The following ACSM3 variants were observed in gnomAD, a reference collection of about 807,000 sequenced individuals.
ACSM3 encodes acyl-coenzyme A synthetase ACSM3, mitochondrial.
A neutral mutation model predicts 74.1 loss-of-function variants in ACSM3; 61 were observed. The observed-to-expected ratio is 0.82, with a 90% CI of 0.67 to 1.02. The LOEUF is 1.02. Ranked by LOEUF, ACSM3 falls within the 50% of genes least tolerant of loss-of-function variation. The pLI is 0.00. For synonymous variants in ACSM3, 213 were observed against 241.5 expected (o/e 0.88, Z 1.09); for missense variants, 660 against 697.0 (o/e 0.95, Z 0.60).
At chr16:20,768,579 G>A (rs577642639) in intron 1 of ACSM3, among the ~76,000 whole-genome samples, 1 of 152,086 alleles carries the variant, frequency 6.6e-6, no homozygotes, top group African/African-American at 2.4e-5. Flanking sequence ...AAATATAAAT[G>A]GGCCCAGAGC....
chr16:20,683,660 TTGA>T (rs2079491084), intron 1 of ACSM3, among the ~76,000 whole-genome samples: 1 of 151,374 alleles, frequency 6.6e-6, no homozygotes, highest in Non-Finnish European at 1.5e-5. Context: ...TTTTTTTTTT[TTGA>T]GAGTCTTGCC....
At chr16:20,754,238 C>T (rs2152436172) in intron 2 of ACSM3, among the ~76,000 whole-genome samples, 1 of 152,246 alleles carries the variant, frequency 6.6e-6, no homozygotes, top group East Asian at 1.9e-4. Context: ...AGGAGTGAAA[C>T]AGTTATCTCC....
At chr16:20,696,213 G>A (rs907406172) in intron 1 of ACSM3, among the ~76,000 whole-genome samples, 1 of 152,152 alleles carries the variant, frequency 6.6e-6, no homozygotes, top group Non-Finnish European at 1.5e-5. Flanking sequence ...ACCTAACAAT[G>A]CATTTCTCAG....
chr16:20,690,459 AG>A (rs1263038714), intron 1 of ACSM3, among the ~76,000 whole-genome samples: 4 of 152,234 alleles, frequency 2.6e-5, no homozygotes, highest in African/African-American at 9.6e-5. Context: ...TTAAAGCCAC[AG>A]TCAAGTAGGT....
intron 10 of ACSM3, 53 bp from the exon 11 acceptor site, chr16:20,791,949 T>G: frequency 6.4e-7 from 1 of 1,574,774 alleles, no homozygotes; most frequent in Non-Finnish European, 8.6e-7. Flanking sequence ...AAAATTCCAA[T>G]TGACCAGAAG....
intron 1 of ACSM3, among the ~76,000 whole-genome samples, chr16:20,707,624 A>G (rs1217369173): frequency 6.6e-6 from 1 of 152,298 alleles, no homozygotes; most frequent in South Asian, 2.1e-4. Context: ...TGTGGACTCC[A>G]TTGTGGACCC....
intron 9 of ACSM3, among the ~76,000 whole-genome samples, chr16:20,787,850 T>C (rs1332571194): frequency 6.6e-6 from 1 of 152,190 alleles, no homozygotes; most frequent in Non-Finnish European, 1.5e-5. Flanking sequence ...ACCTGTCTGT[T>C]TGCCTGGGAC....
intron 1 of ACSM3, among the ~76,000 whole-genome samples, chr16:20,731,033 TC>T (rs1385277140): frequency 6.6e-6 from 1 of 152,164 alleles, no homozygotes; most frequent in Non-Finnish European, 1.5e-5. Context: ...GCTAATTTTT[TC>T]TTTTTAGTCT....
At chr16:20,730,600 C>G (rs1458321669) in intron 1 of ACSM3, among the ~76,000 whole-genome samples, 4 of 152,102 alleles carry the variant, frequency 2.6e-5, no homozygotes, top group Admixed American at 2.6e-4. Context: ...TCTTATACCC[C>G]CTCCACTCCC....
At chr16:20,738,852 C>A (rs758658942) in intron 1 of ACSM3, 2 of 1,599,522 alleles carry the variant, frequency 1.3e-6, no homozygotes, top group Non-Finnish European at 1.7e-6. Flanking sequence ...CAGGAAGATA[C>A]CCAGATGTTA....
Position 20,797,421 on chromosome 16 carries a change from C to A in ACSM3, c.*449C>A. 1 of 1,013,834 alleles carries A rather than the reference C, an allele frequency of 9.9e-7. No individual in the cohort carries two copies. The highest frequency in any genetic ancestry group is 1.2e-6 in the Non-Finnish European group (1 of 844,872). The allele number at this position is 1,013,834 out of a possible 1,614,324, so 62.8% of individuals were successfully genotyped here. ...AGAAGATTATGATAATCTCAAAGTA[C>A]AAGAATCTACCTGAAAATAGACTAG... On this transcript the variant is annotated 3_prime_UTR_variant, in exon 14 of 14. Coordinates refer to ENST00000289416, the MANE Select transcript of ACSM3 (RefSeq NM_005622.4).
intron 1 of ACSM3, among the ~76,000 whole-genome samples, chr16:20,691,448 T>C (rs2079651017): frequency 6.6e-6 from 1 of 152,144 alleles, no homozygotes; most frequent in South Asian, 2.1e-4. Context: ...TAGCTACTAT[T>C]ATGGGTTTGG....
At chr16:20,693,624 T>C (rs2079674637) in intron 1 of ACSM3, among the ~76,000 whole-genome samples, 1 of 152,188 alleles carries the variant, frequency 6.6e-6, no homozygotes, top group Admixed American at 6.5e-5. Context: ...TTTCAACTTG[T>C]TGTCAAGTGG....
At chr16:20,737,712 C>T in intron 1 of ACSM3, 6 of 1,604,486 alleles carry the variant, frequency 3.7e-6, no homozygotes, top group Non-Finnish European at 5.1e-6. Context: ...ACATACCTGC[C>T]AATTCTCTGA....
At chr16:20,727,629 G>C (rs2079811524) in intron 1 of ACSM3, among the ~76,000 whole-genome samples, 1 of 152,170 alleles carries the variant, frequency 6.6e-6, no homozygotes, top group Non-Finnish European at 1.5e-5. Flanking sequence ...AAACTGCTCA[G>C]TTAGGTTTTG....
At chr16:20,758,392 T>G (rs1442398614) in intron 3 of ACSM3, among the ~76,000 whole-genome samples, 1 of 152,242 alleles carries the variant, frequency 6.6e-6, no homozygotes, top group African/African-American at 2.4e-5. Context: ...AATTTCTCCA[T>G]TTCTTCTAGA....
chr16:20,741,866 A>G (rs763685971), intron 1 of ACSM3: 1 of 1,535,380 alleles, frequency 6.5e-7, no homozygotes, highest in East Asian at 2.4e-5. Context: ...TCGAAGCCTC[A>G]TTCCGTGCTG....
chr16:20,736,237 A>G (rs1488527143), intron 1 of ACSM3: 2 of 152,342 alleles, frequency 1.3e-5, no homozygotes, highest in Non-Finnish European at 2.9e-5. Context: ...ATACTGAAGT[A>G]TACTCAGAAG....
intron 1 of ACSM3, chr16:20,741,536 G>T: frequency 7.4e-7 from 1 of 1,344,678 alleles, no homozygotes; most frequent in Non-Finnish European, 9.8e-7. Context: ...TGTCGTCGCC[G>T]TATTCGTTGA....
Sources: allele counts gnomAD v4.1 joint callset (sites outside exome capture counted in the v4.1 genomes callset), GRCh38; gene constraint gnomAD v4.1.1; transcripts MANE v1.5; gene names NCBI Gene and HGNC (gene_info 2026-07-23, HGNC 2026-07-21).